STAB2: variants seen among roughly 807,000 people sequenced by gnomAD.
STAB2 encodes the protein stabilin-2.
In STAB2, 288 loss-of-function variants were observed where a neutral mutation model predicts 338.1. That is an observed-to-expected ratio of 0.85 (90% confidence interval 0.77 to 0.94). The LOEUF is 0.94. Ranked by LOEUF, STAB2 falls within the 40% of genes least tolerant of loss-of-function variation. The pLI is 0.00. For synonymous variants in STAB2, 1,202 were observed against 1,193.3 expected (o/e 1.01, Z -0.15); for missense variants, 3,141 against 3,210.1 (o/e 0.98, Z 0.52).
chr12:103,699,301 C>A, intron 34 of STAB2, 74 bp downstream of exon 34: 1 of 1,524,466 alleles, frequency 6.6e-7, no homozygotes, highest in South Asian at 1.2e-5. Context: ...GAATGAGTGT[C>A]TTGGCTCCTG....
chr12:103,629,474 A>G (rs1483474364), intron 5 of STAB2, among the ~76,000 whole-genome samples: 1 of 152,084 alleles, frequency 6.6e-6, no homozygotes, highest in East Asian at 1.9e-4. Flanking sequence ...ACAAACCTCT[A>G]GTTGTCGTAG....
intron 10 of STAB2, 41 bp from the exon 11 acceptor site, chr12:103,650,455 C>A: frequency 6.3e-7 from 1 of 1,578,786 alleles, no homozygotes; most frequent in South Asian, 1.1e-5. Context: ...ACCACTGACT[C>A]ATTTGGCGTT....
At position 103,759,233 on chromosome 12, in the gene STAB2, G is replaced by A; in HGVS notation, c.7208G>A (p.Ser2403Asn). The A allele has an allele frequency of 6.2e-6, 10 of 1,614,184 alleles. No homozygotes were observed. The highest frequency in any genetic ancestry group is 8.5e-6 in the Non-Finnish European group (10 of 1,180,034). ...ACCACCCTGCAAACGAGGCTGGGAA[G>A]CAAGCTGCTCATCACTGCCAGCCAG... is the stretch of plus-strand genomic sequence containing the variant. ...NGTTLQTRLG[S>N]KLLITASQDP... Residue 2403 changes from serine (S) to asparagine (N), a missense_variant, in exon 65 of 69, where the codon AGC becomes AAC. Ser to Asn is a conservative substitution (Grantham distance 46). Coordinates refer to ENST00000388887, the MANE Select transcript of STAB2 (RefSeq NM_017564.10).
intron 5 of STAB2, among the ~76,000 whole-genome samples, chr12:103,628,644 C>T (rs1471471360): frequency 6.6e-6 from 1 of 152,214 alleles, no homozygotes; most frequent in Non-Finnish European, 1.5e-5. Context: ...TCACTCCAAT[C>T]TCGGCCTCCC....
chr12:103,602,864 G>A (rs1045734861), intron 3 of STAB2, among the ~76,000 whole-genome samples: 2 of 152,016 alleles, frequency 1.3e-5, no homozygotes, highest in African/African-American at 4.8e-5. Flanking sequence ...TCGTAACATT[G>A]CCTTTTGAAG....
intron 5 of STAB2, among the ~76,000 whole-genome samples, chr12:103,630,377 G>T (rs748136641): frequency 3.9e-5 from 6 of 152,192 alleles, no homozygotes; most frequent in Non-Finnish European, 8.8e-5. Flanking sequence ...TTTTAAGCAG[G>T]TGCATCTTCT....
intron 48 of STAB2, among the ~76,000 whole-genome samples, chr12:103,729,564 G>A (rs1289341955): frequency 6.6e-6 from 1 of 152,134 alleles, no homozygotes; most frequent in African/African-American, 2.4e-5. Flanking sequence ...TAAGAAAACT[G>A]AGCTCAGAAA....
intron 1 of STAB2, 84 bp from the exon 2 acceptor site, chr12:103,590,813 C>T (rs774932363): frequency 3.3e-6 from 5 of 1,515,610 alleles, no homozygotes; most frequent in Non-Finnish European, 4.6e-6. Context: ...TGGAGACATT[C>T]CAGTGGAGAA....
intron 3 of STAB2, among the ~76,000 whole-genome samples, chr12:103,602,719 C>T (rs902405914): frequency 6.6e-6 from 1 of 152,026 alleles, no homozygotes; most frequent in African/African-American, 2.4e-5. Context: ...TTTTCATGCG[C>T]TTATTTGCTA....
chr12:103,651,278 A>C (rs1366190546), intron 11 of STAB2, among the ~76,000 whole-genome samples: 1 of 148,612 alleles, frequency 6.7e-6, no homozygotes, highest in Non-Finnish European at 1.5e-5. Context: ...TCCCACCTTT[A>C]CCATCTAACA....
At chr12:103,695,898 C>G in intron 33 of STAB2, 54 bp downstream of exon 33, 4 of 1,508,664 alleles carry the variant, frequency 2.7e-6, no homozygotes, top group Non-Finnish European at 3.7e-6. Context: ...TTCAAACACT[C>G]AGTGTTTGTA....
chr12:103,653,629 T>TGGATGGAC (rs1873920114), intron 12 of STAB2, among the ~76,000 whole-genome samples: 1 of 148,566 alleles, frequency 6.7e-6, no homozygotes, highest in African/African-American at 2.5e-5. Flanking sequence ...GATGGATGGA[T>TGGATGGAC]GGATGGATGG....
intron 48 of STAB2, among the ~76,000 whole-genome samples, chr12:103,729,447 C>T (rs1012701427): frequency 1.2e-4 from 19 of 152,074 alleles, no homozygotes; most frequent in East Asian, 3.9e-4. Flanking sequence ...TAATAACATA[C>T]GTTAAGTGAT....
chr12:103,689,494 G>A (rs58385857), intron 28 of STAB2, among the ~76,000 whole-genome samples: 119 of 145,290 alleles, frequency 8.2e-4, no homozygotes, highest in African/African-American at 1.4e-3. Context: ...AAAAAAAAAA[G>A]AAAAAAAAAA....
At chr12:103,756,970 G>T (rs1884144357) in intron 63 of STAB2, among the ~76,000 whole-genome samples, 1 of 130,950 alleles carries the variant, frequency 7.6e-6, no homozygotes, top group Admixed American at 8.6e-5. Flanking sequence ...ACCTTCTCTG[G>T]GCCTCAGTAG....
In STAB2 at chr12:103,689,968, TC is replaced by T. The variant is rs1431096833; in HGVS notation, c.3170del (p.Pro1057GlnfsTer3). 6.2e-7 allele frequency: 1 copy of T among 1,613,362 alleles called. No individual in the cohort carries two copies. Among genetic ancestry groups the T allele is most frequent in the Non-Finnish European group, 8.5e-7 (1 of 1,179,816 alleles). On this transcript the variant is annotated frameshift_variant, in exon 29 of 69. Coordinates refer to ENST00000388887, the MANE Select transcript of STAB2 (RefSeq NM_017564.10). LOFTEE classifies it high-confidence loss of function. The stretch of plus-strand genomic sequence containing the variant: ...GCTTCTGGTTGTCACAGAGCAATAT[TC>T]CAGCCCTAATAAAGTAGGTGTTACT... Reference protein sequence around the residue: ...KSFWLSQSNIPALIKYHMLLG... With the variant: ...KSFWLSQSNIXALIKYHMLLG...
chr12:103,678,578 G>T (rs1876604308), intron 25 of STAB2, among the ~76,000 whole-genome samples: 1 of 152,186 alleles, frequency 6.6e-6, no homozygotes, highest in Admixed American at 6.5e-5. Context: ...CCAGGCTGGA[G>T]TGCAGTGGCA....
At chr12:103,766,131 C>CCAA (rs1387597965) in intron 68 of STAB2, 155 bp from the exon 69 acceptor site, 1 of 1,036,942 alleles carries the variant, frequency 9.6e-7, no homozygotes, top group African/African-American at 1.6e-5. Context: ...ATCCTGCCTC[C>CCAA]CAACACAAGG....
intron 56 of STAB2, among the ~76,000 whole-genome samples, chr12:103,744,898 T>C (rs1481800641): frequency 2.0e-5 from 3 of 152,200 alleles, no homozygotes; most frequent in Non-Finnish European, 2.9e-5. Context: ...CTTATAATTA[T>C]ATGATCAACA....
Sources: gnomAD v4.1 joint callset for allele counts (sites outside exome capture counted in the v4.1 genomes callset) on GRCh38, gnomAD v4.1.1 for gene constraint, MANE v1.5 for transcripts, NCBI Gene and HGNC (gene_info 2026-07-23, HGNC 2026-07-21) for gene names.